The following HTR1F variants were observed in gnomAD, a reference collection of about 807,000 sequenced individuals.
HTR1F encodes 5-hydroxytryptamine receptor 1F, also known as 5-hydroxytryptamine (serotonin) receptor 1F, G protein-coupled.
Under a neutral mutation model 24.0 loss-of-function variants are expected in HTR1F, and 17 were observed. The ratio of observed to expected loss-of-function variants is 0.71; its 90% CI spans 0.48 to 1.06. The LOEUF (loss-of-function observed/expected upper bound fraction) is 1.06, where lower values mean the gene tolerates loss of function less well. HTR1F is among the 50% of genes least tolerant of loss of function. HTR1F has a pLI of 0.00. For synonymous variants in HTR1F, 186 were observed against 156.8 expected (o/e 1.19, Z -1.39); for missense variants, 391 against 427.8 (o/e 0.91, Z 0.76).
intron 2 of HTR1F, among the ~76,000 whole-genome samples, chr3:87,839,985 G>A (rs1166816514): frequency 3.3e-5 from 5 of 151,998 alleles, no homozygotes; most frequent in African/African-American, 7.2e-5. Flanking sequence ...TATCTACCAC[G>A]TTTTCTTTAT....
At chr3:87,949,572 T>A (rs1395090041) in intron 2 of HTR1F, among the ~76,000 whole-genome samples, 1 of 152,206 alleles carries the variant, frequency 6.6e-6, no homozygotes, top group Non-Finnish European at 1.5e-5. Flanking sequence ...CTTTTTTATT[T>A]CTTGAATCCA....
At chr3:87,893,386 C>T (rs530022328) in intron 2 of HTR1F, among the ~76,000 whole-genome samples, 2 of 152,196 alleles carry the variant, frequency 1.3e-5, no homozygotes, top group Admixed American at 6.5e-5. Flanking sequence ...ATTTACAATG[C>T]TAAATTGAGC....
chr3:87,809,731 G>T (rs181817771), intron 1 of HTR1F, among the ~76,000 whole-genome samples: 2 of 151,840 alleles, frequency 1.3e-5, no homozygotes, highest in African/African-American at 2.4e-5. Flanking sequence ...ATGCTTATTT[G>T]TATGTTATGG....
chr3:87,839,353 G>A (rs1364192112), intron 2 of HTR1F, among the ~76,000 whole-genome samples: 2 of 151,822 alleles, frequency 1.3e-5, no homozygotes, highest in Non-Finnish European at 2.9e-5. Flanking sequence ...TGTATTCTTG[G>A]CAACTTTATC....
At chr3:87,920,042 T>TATAC (rs1414962710) in intron 2 of HTR1F, among the ~76,000 whole-genome samples, 1 of 148,686 alleles carries the variant, frequency 6.7e-6, no homozygotes, top group African/African-American at 2.5e-5. Flanking sequence ...TATATATATA[T>TATAC]ATATATATGA....
intron 2 of HTR1F, among the ~76,000 whole-genome samples, chr3:87,873,133 C>CACACAGAGAGAGAG (rs370152361): frequency 1.0e-4 from 13 of 130,320 alleles, no homozygotes; most frequent in African/African-American, 3.4e-4. Flanking sequence ...CACACACACA[C>CACACAGAGAGAGAG]AGAGAGATTT....
intron 2 of HTR1F, among the ~76,000 whole-genome samples, chr3:87,928,945 G>A (rs1704193456): frequency 6.6e-6 from 1 of 152,158 alleles, no homozygotes. Flanking sequence ...AACTCAACTG[G>A]TGATAATGTG....
At chr3:87,843,211 A>C (rs72911674) in intron 2 of HTR1F, among the ~76,000 whole-genome samples, 1 of 151,954 alleles carries the variant, frequency 6.6e-6, no homozygotes. Flanking sequence ...AATCTGTAAA[A>C]TCTTTTTGTT....
Position 87,907,049 on chromosome 3 carries a change from C to A in HTR1F, c.-42-83659C>A, listed in dbSNP as rs563189670. Among the ~76,000 whole-genome samples the A allele has an allele frequency of 5.3e-4, 80 of 152,086 alleles. 1 individual carries two copies. Among genetic ancestry groups the A allele is most frequent in the African/African-American group, 1.8e-3 (74 of 41,512 alleles). On this transcript the variant is annotated intron_variant, in intron 2 of 2. Transcript: ENST00000319595. ...TGACTTCTTTTCCCCTGGGTAGATA[C>A]CTAGGAGTGGGATTGCTGGGTCAAA... is the stretch of plus-strand genomic sequence containing the variant.
intron 2 of HTR1F, among the ~76,000 whole-genome samples, chr3:87,916,090 T>C (rs1401485297): frequency 6.6e-6 from 1 of 152,030 alleles, no homozygotes; most frequent in Non-Finnish European, 1.5e-5. Flanking sequence ...GGCAAGAAAT[T>C]TGTATCCAGC....
intron 2 of HTR1F, among the ~76,000 whole-genome samples, chr3:87,977,586 C>CT (rs750797326): frequency 0.021 from 2,958 of 141,150 alleles, 37 homozygotes; most frequent in Non-Finnish European, 0.026. Context: ...TTTTTTTTTT[C>CT]TTTTTTTTTG....
intron 2 of HTR1F, among the ~76,000 whole-genome samples, chr3:87,841,418 G>A (rs1426101006): frequency 6.6e-5 from 10 of 151,528 alleles, no homozygotes; most frequent in Admixed American, 2.0e-4. Flanking sequence ...TTTTACTTAC[G>A]ATTGCATTAT....
chr3:87,841,401 T>C (rs1348474385), intron 2 of HTR1F, among the ~76,000 whole-genome samples: 2 of 151,942 alleles, frequency 1.3e-5, no homozygotes, highest in Non-Finnish European at 2.9e-5. Flanking sequence ...TGGCAGCGAA[T>C]ATTCTTTTTT....
chr3:87,870,177 T>C (rs1394015738), intron 2 of HTR1F, among the ~76,000 whole-genome samples: 1 of 152,090 alleles, frequency 6.6e-6, no homozygotes, highest in Non-Finnish European at 1.5e-5. Flanking sequence ...TTTTCTATAA[T>C]TATTTTAGTA....
At chr3:87,894,410 C>G (rs1209830455) in intron 2 of HTR1F, among the ~76,000 whole-genome samples, 1 of 151,898 alleles carries the variant, frequency 6.6e-6, no homozygotes, top group Non-Finnish European at 1.5e-5. Flanking sequence ...GCACGCACCA[C>G]CATGCCTGGG....
At chr3:87,899,278 C>T (rs1313991242) in intron 2 of HTR1F, among the ~76,000 whole-genome samples, 1 of 152,164 alleles carries the variant, frequency 6.6e-6, no homozygotes, top group Non-Finnish European at 1.5e-5. Context: ...CTTGTTTATA[C>T]ACTGTGGTAT....
rs548518330 is a variant in HTR1F, at chr3:87,859,705, C to T, written c.-43+37581C>T. 3.3e-5 allele frequency among the ~76,000 whole-genome samples: 5 copies of T among 152,256 alleles called. No homozygotes were observed. In the East Asian group the frequency reaches 9.7e-4, roughly 29 times the overall value. On this transcript the variant is annotated intron_variant, in intron 2 of 2. Coordinates refer to ENST00000319595, the MANE Select transcript of HTR1F (RefSeq NM_001322209.2). ...GTGCTCTCCACAGTGGCTCAGCCTC[C>T]CTCTTGCTGCATTCACAAGGCATAC... is the stretch of plus-strand genomic sequence containing the variant.
chr3:87,953,529 C>CAA (rs143677828), intron 2 of HTR1F, among the ~76,000 whole-genome samples: 60 of 143,038 alleles, frequency 4.2e-4, no homozygotes, highest in African/African-American at 7.2e-4. Context: ...ACCAAAAGGA[C>CAA]AAAAAAAAAA....
intron 2 of HTR1F, among the ~76,000 whole-genome samples, chr3:87,942,647 C>T (rs1485111972): frequency 6.6e-6 from 1 of 152,090 alleles, no homozygotes; most frequent in East Asian, 1.9e-4. Flanking sequence ...GCACTGGAAG[C>T]AAGCCCTATT....
Sources: allele counts gnomAD v4.1 joint callset (sites outside exome capture counted in the v4.1 genomes callset), GRCh38; gene constraint gnomAD v4.1.1; transcripts MANE v1.5; gene names NCBI Gene and HGNC (gene_info 2026-07-23, HGNC 2026-07-21).